Variants in RBPJ observed in about 807,000 individuals in gnomAD.
The protein encoded by RBPJ is recombination signal binding protein for immunoglobulin kappa J region, also known as recombining binding protein suppressor of hairless.
RBPJ carries 9 observed loss-of-function variants against 67.8 expected under a neutral mutation model. That is an observed-to-expected ratio of 0.13 (90% confidence interval 0.08 to 0.23). The LOEUF is 0.23. RBPJ is among the 10% of genes least tolerant of loss of function. The pLI is 1.00. For missense variants in RBPJ, 305 were observed against 595.6 expected (o/e 0.51, Z 5.08); for synonymous variants, 198 against 203.3 (o/e 0.97, Z 0.22).
the RBPJ span, among the ~76,000 whole-genome samples, chr4:26,118,896 C>T: frequency 6.6e-6 from 1 of 152,216 alleles, no homozygotes; most frequent in Non-Finnish European, 1.5e-5. Flanking sequence ...TTTGACACCA[C>T]TCTTTTTCTT....
Position 26,214,650 on chromosome 4 carries a change from G to GAA in RBPJ, c.-167+51037_-167+51038insAA, listed in dbSNP as rs1718576774. On this transcript the variant is annotated intron_variant, in intron 1 of 4. Coordinates refer to the RBPJ transcript ENST00000512351. ...AAGAGAAAGAAAAAGAAAAAAGAAA[G>GAA]AGAAAAAGGAAGGAAGAAACAAGGG... Among the ~76,000 whole-genome samples the GAA allele has an allele frequency of 3.2e-5, 4 of 126,108 alleles. 1 individual carries two copies. Among genetic ancestry groups the GAA allele is most frequent in the African/African-American group, 6.6e-5 (2 of 30,468 alleles). 82.7% of individuals were successfully genotyped at this position (126,108 alleles called of 152,430 possible).
intron 1 of RBPJ, among the ~76,000 whole-genome samples, chr4:26,302,391 A>G (rs144190694): frequency 6.6e-6 from 1 of 152,334 alleles, no homozygotes; most frequent in Admixed American, 6.5e-5. Flanking sequence ...CTACATTTGA[A>G]AACAAGGAAT....
intron 1 of RBPJ, among the ~76,000 whole-genome samples, chr4:26,166,751 T>C (rs962038698): frequency 2.0e-5 from 3 of 152,234 alleles, no homozygotes; most frequent in African/African-American, 7.2e-5. Context: ...TTTTGGCTCG[T>C]TGCCATTCCT....
chr4:26,280,613 T>G (rs1183678775), intron 1 of RBPJ, among the ~76,000 whole-genome samples: 1 of 152,196 alleles, frequency 6.6e-6, no homozygotes. Context: ...TGGCTTGGAA[T>G]AATGAAAAAG....
At chr4:26,369,034 T>C (rs550671556) in intron 1 of RBPJ, among the ~76,000 whole-genome samples, 1 of 152,298 alleles carries the variant, frequency 6.6e-6, no homozygotes, top group African/African-American at 2.4e-5. Context: ...TTTTGTTGAC[T>C]CCTGTAACTC....
Position 26,424,317 on chromosome 4 carries a change from A to AAT in RBPJ, c.497-23_497-22dup. 6.2e-7 allele frequency: 1 copy of AAT among 1,610,982 alleles called. No individual in the cohort carries two copies. The highest frequency in any genetic ancestry group is 8.5e-7 in the Non-Finnish European group (1 of 1,178,562). ...CCCCACCTTCTGCTCCAATCACATA[A>AAT]ATAAGAGCTGTTTTTTCTTTGCAGT... On this transcript the variant is annotated intron_variant, in intron 5 of 10. Coordinates refer to ENST00000355476, the MANE Select transcript of RBPJ (RefSeq NM_015874.6). The surrounding 1 kb of genome is among the most constrained non-coding windows in gnomAD (Gnocchi z 5.3).
the RBPJ span, among the ~76,000 whole-genome samples, chr4:26,127,693 A>T: frequency 6.6e-6 from 1 of 152,218 alleles, no homozygotes; most frequent in Non-Finnish European, 1.5e-5. Flanking sequence ...TTCCCCATAG[A>T]CTTGAACTAG....
At chr4:26,219,257 T>C (rs753946536) in intron 1 of RBPJ, among the ~76,000 whole-genome samples, 6 of 152,252 alleles carry the variant, frequency 3.9e-5, no homozygotes, top group East Asian at 1.9e-4. Flanking sequence ...ACGAGTCTTA[T>C]TGGGGGTGGC....
At chr4:26,215,292 G>T in intron 1 of RBPJ, among the ~76,000 whole-genome samples, 1 of 101,390 alleles carries the variant, frequency 9.9e-6, no homozygotes, top group Non-Finnish European at 2.0e-5. Context: ...GAGAAAGAAA[G>T]AGAAAAAGAG....
the RBPJ span, among the ~76,000 whole-genome samples, chr4:26,122,459 G>T: frequency 6.6e-6 from 1 of 152,158 alleles, no homozygotes; most frequent in Non-Finnish European, 1.5e-5. Flanking sequence ...GGGTATTGTA[G>T]GTTCAAATAG....
chr4:26,402,450 C>T (rs190992626), intron 2 of RBPJ, among the ~76,000 whole-genome samples: 7 of 152,244 alleles, frequency 4.6e-5, no homozygotes, highest in African/African-American at 1.7e-4. Context: ...AAGGTATTTC[C>T]AGTATTGTTT....
intron 1 of RBPJ, among the ~76,000 whole-genome samples, chr4:26,291,410 T>C (rs1721662781): frequency 1.3e-5 from 2 of 150,636 alleles, no homozygotes; most frequent in African/African-American, 2.4e-5. Context: ...CCAAGAACAG[T>C]CTTAACAATT....
chr4:26,262,954 T>A (rs1720588628), intron 1 of RBPJ, among the ~76,000 whole-genome samples: 1 of 152,238 alleles, frequency 6.6e-6, no homozygotes, highest in Non-Finnish European at 1.5e-5. Flanking sequence ...ACATGTCATC[T>A]GGCTCCACAG....
At chr4:26,287,393 TATA>T (rs1721502312) in intron 1 of RBPJ, among the ~76,000 whole-genome samples, 1 of 150,914 alleles carries the variant, frequency 6.6e-6, no homozygotes, top group South Asian at 2.1e-4. Context: ...AAGTAAAAAA[TATA>T]ATAACAATTA....
the RBPJ span, among the ~76,000 whole-genome samples, chr4:26,132,306 CT>C: frequency 1.3e-5 from 2 of 152,222 alleles, no homozygotes; most frequent in Admixed American, 1.3e-4. Context: ...TTGGGCCCCA[CT>C]TTAAGAAACT....
At chr4:26,112,856 T>G in the RBPJ span, 1 of 149,828 alleles carries the variant, frequency 6.7e-6, no homozygotes, top group African/African-American at 2.5e-5. Context: ...CCTCTCAGGT[T>G]CAAGCGATTC....
intron 1 of RBPJ, among the ~76,000 whole-genome samples, chr4:26,201,357 A>G (rs921921146): frequency 1.3e-5 from 2 of 152,184 alleles, no homozygotes; most frequent in African/African-American, 4.8e-5. Flanking sequence ...TCGGTATTTC[A>G]TAACTCCCTC....
chr4:26,320,973 G>A (rs1260634908), upstream of RBPJ: 1 of 1,612,708 alleles, frequency 6.2e-7, no homozygotes, highest in African/African-American at 1.3e-5. Context: ...AGGGACCAGG[G>A]AAGGCGTCGG....
rs2109254651 is a variant in RBPJ, at chr4:26,264,541, C to A, written c.-166-97905C>A. On this transcript the variant is annotated intron_variant, in intron 1 of 4. Transcript: ENST00000512351. The surrounding 1 kb of genome is among the most constrained non-coding windows in gnomAD (Gnocchi z 4.1). ...CTTTGTTGCCCTCACAATTTCTTAT[C>A]TTGCCATGTAATTCCCTCCTGTTCA... 6.6e-6 allele frequency among the ~76,000 whole-genome samples: 1 copy of A among 152,234 alleles called. No individual in the cohort carries two copies. The highest frequency in any genetic ancestry group is 2.4e-5 in the African/African-American group (1 of 41,532).
Sources: allele counts gnomAD v4.1 joint callset (sites outside exome capture counted in the v4.1 genomes callset), GRCh38; gene constraint gnomAD v4.1.1; non-coding constraint Gnocchi (gnomAD v3.1); transcripts MANE v1.5; gene names NCBI Gene and HGNC (gene_info 2026-07-23, HGNC 2026-07-21).